The following PKD2L2 variants were observed in gnomAD, a reference collection of about 807,000 sequenced individuals.
The protein encoded by PKD2L2 is polycystin 2 like 2, transient receptor potential cation channel.
PKD2L2 carries 67 observed loss-of-function variants against 83.9 expected under a neutral mutation model. The observed-to-expected ratio is 0.80, with a 90% CI of 0.66 to 0.98. The LOEUF is 0.98. PKD2L2 is among the 50% of genes least tolerant of loss of function. The pLI is 0.00. For missense variants in PKD2L2, 632 were observed against 717.2 expected (o/e 0.88, Z 1.36); for synonymous variants, 223 against 237.8 (o/e 0.94, Z 0.57).
intron 4 of PKD2L2, 105 bp downstream of exon 4, chr5:137,894,714 A>C: frequency 1.3e-6 from 1 of 792,962 alleles, no homozygotes; most frequent in Non-Finnish European, 2.0e-6. Flanking sequence ...AAGGGTAAGG[A>C]AACTGTTTCA....
chr5:137,909,041 CT>C, intron 8 of PKD2L2, 95 bp downstream of exon 8: 1 of 664,746 alleles, frequency 1.5e-6, no homozygotes. Flanking sequence ...GTAATATAAG[CT>C]TTAATATATT....
chr5:137,939,681 C>A, intron 14 of PKD2L2: 1 of 198,640 alleles, frequency 5.0e-6, no homozygotes, highest in Non-Finnish European at 9.4e-6. Context: ...GGGAATTAAA[C>A]AGAAAGGTGT....
chr5:137,919,126 A>G (rs540893495), intron 8 of PKD2L2, among the ~76,000 whole-genome samples: 24 of 152,284 alleles, frequency 1.6e-4, no homozygotes, highest in African/African-American at 5.5e-4. Flanking sequence ...TATTAATGAC[A>G]AATGGCATGT....
At chr5:137,895,627 T>C (rs868493771) in intron 4 of PKD2L2, among the ~76,000 whole-genome samples, 48 of 152,146 alleles carry the variant, frequency 3.2e-4, no homozygotes, top group African/African-American at 6.3e-4. Flanking sequence ...CCTGTAATCC[T>C]AGCACTTTGA....
chr5:137,929,231 G>A (rs1231651005), intron 12 of PKD2L2, among the ~76,000 whole-genome samples: 3 of 152,088 alleles, frequency 2.0e-5, no homozygotes, highest in Non-Finnish European at 2.9e-5. Context: ...GGAGGCTGAG[G>A]CGGGTGGATC....
At chr5:137,921,894 T>G in intron 9 of PKD2L2, 138 bp downstream of exon 9, 1 of 681,000 alleles carries the variant, frequency 1.5e-6, no homozygotes, top group Non-Finnish European at 2.4e-6. Flanking sequence ...TCCCTAGTAA[T>G]CCAGGTTCAC....
chr5:137,912,800 TC>T (rs1561689959), intron 8 of PKD2L2, among the ~76,000 whole-genome samples: 11 of 111,428 alleles, frequency 9.9e-5, no homozygotes, highest in South Asian at 3.1e-4. Context: ...TTGTTTTCTT[TC>T]TTTCTTTTTT....
chr5:137,931,313 A>G (rs539725145), intron 12 of PKD2L2, among the ~76,000 whole-genome samples: 8 of 152,302 alleles, frequency 5.3e-5, no homozygotes, highest in Non-Finnish European at 8.8e-5. Flanking sequence ...TCTTTGCCCT[A>G]GCAAAGAGAA....
intron 14 of PKD2L2, 96 bp from the exon 15 acceptor site, chr5:137,942,288 G>A: frequency 2.0e-6 from 1 of 492,548 alleles, no homozygotes; most frequent in Non-Finnish European, 3.6e-6. Flanking sequence ...CAAAGGTAAA[G>A]AAGTGGATAT....
At chr5:137,899,305 T>TA (rs1047600374) in intron 4 of PKD2L2, among the ~76,000 whole-genome samples, 1 of 152,054 alleles carries the variant, frequency 6.6e-6, no homozygotes, top group Non-Finnish European at 1.5e-5. Flanking sequence ...TTTGTAGAGA[T>TA]AGGGTTTCAC....
chr5:137,928,264 G>A lies in PKD2L2; in HGVS notation c.1671+2335G>A, dbSNP rs188924241. ...AGCATCAGCCAACCAAGAGATGACT[G>A]GAGAGGCTGGGCGAGCTGGCTCACA... On this transcript the variant is annotated intron_variant, in intron 12 of 14. Coordinates refer to ENST00000508883, the MANE Select transcript of PKD2L2 (RefSeq NM_001300921.2). Among the ~76,000 whole-genome samples, 656 of 150,292 alleles carry A rather than the reference G, an allele frequency of 4.4e-3. 1 individual carries two copies. The highest frequency in any genetic ancestry group is 6.4e-3 in the Admixed American group (97 of 15,068).
At position 137,921,773 on chromosome 5, in the gene PKD2L2, T is replaced by C. The variant is rs201986646; in HGVS notation, c.1449+17T>C. 4.6e-6 allele frequency: 7 copies of C among 1,536,464 alleles called. No individual in the cohort carries two copies. Among genetic ancestry groups the C allele is most frequent in the South Asian group, 2.4e-5 (2 of 83,736 alleles). ...GTCCTGCTGGTAAGAATAATACATA[T>C]TCCTTTCATTTCTTACTTTTTAGAA... On this transcript the variant is annotated intron_variant, in intron 9 of 14. Coordinates refer to ENST00000508883, the MANE Select transcript of PKD2L2 (RefSeq NM_001300921.2).
intron 5 of PKD2L2, among the ~76,000 whole-genome samples, chr5:137,900,484 A>G (rs1020085308): frequency 6.6e-6 from 1 of 152,220 alleles, no homozygotes; most frequent in Non-Finnish European, 1.5e-5. Context: ...GAATTACTTG[A>G]TATGTATCAT....
At chr5:137,932,510 G>C (rs1759957421) in intron 12 of PKD2L2, among the ~76,000 whole-genome samples, 1 of 152,116 alleles carries the variant, frequency 6.6e-6, no homozygotes, top group Admixed American at 6.5e-5. Flanking sequence ...AGAAAAAAGT[G>C]AAATGATAAC....
At chr5:137,921,343 A>G (rs1758877369) in intron 8 of PKD2L2, among the ~76,000 whole-genome samples, 1 of 142,062 alleles carries the variant, frequency 7.0e-6, no homozygotes, top group African/African-American at 2.6e-5. Context: ...CCTGGGCGAC[A>G]GAGTTTGACT....
chr5:137,929,437 G>A (rs1350211655), intron 12 of PKD2L2, among the ~76,000 whole-genome samples: 2 of 147,902 alleles, frequency 1.4e-5, no homozygotes, highest in Non-Finnish European at 3.0e-5. Context: ...CTCCAGCCTC[G>A]GTGACAAGAG....
intron 10 of PKD2L2, among the ~76,000 whole-genome samples, chr5:137,923,963 T>C (rs1759155532): frequency 6.6e-6 from 1 of 152,244 alleles, no homozygotes. Context: ...AAGTCACTCC[T>C]GGCTCAAAAA....
intron 7 of PKD2L2, among the ~76,000 whole-genome samples, 193 bp downstream of exon 7, chr5:137,908,105 G>C (rs984950036): frequency 1.3e-5 from 2 of 152,104 alleles, no homozygotes; most frequent in Non-Finnish European, 2.9e-5. Context: ...CTTGGCCCCA[G>C]GAGTTTGAGA....
At position 137,935,810 on chromosome 5, in the gene PKD2L2, C is replaced by A; in HGVS notation, c.1685C>A (p.Ala562Glu). Residue 562 changes from alanine (A) to glutamate (E), a missense_variant, in exon 13 of 15, where the codon GCA becomes GAA. Transcript: ENST00000508883. ...CTACCCTGACAGGAGATTCAAAACGCAGAGCAGATGAAAAAATGGAAAGAG... is the reference window on the plus strand; with the variant it reads ...CTACCCTGACAGGAGATTCAAAACGAAGAGCAGATGAAAAAATGGAAAGAG... The part of the protein sequence containing the change: ...EGFDENEIQN[A>E]EQMKKWKERL... 1.3e-6 allele frequency: 2 copies of A among 1,599,030 alleles called. No individual in the cohort carries two copies. The highest frequency in any genetic ancestry group is 1.7e-6 in the Non-Finnish European group (2 of 1,166,580).
Sources: allele counts gnomAD v4.1 joint callset (sites outside exome capture counted in the v4.1 genomes callset), GRCh38; gene constraint gnomAD v4.1.1; transcripts MANE v1.5; gene names NCBI Gene and HGNC (gene_info 2026-07-23, HGNC 2026-07-21).